The following PDE4D variants were observed in gnomAD, a reference collection of about 807,000 sequenced individuals.
The protein encoded by PDE4D is 3',5'-cyclic-AMP phosphodiesterase 4D.
PDE4D carries 24 observed loss-of-function variants against 87.4 expected under a neutral mutation model. The ratio of observed to expected loss-of-function variants is 0.27; its 90% CI spans 0.20 to 0.39. PDE4D has a LOEUF of 0.39. PDE4D is among the 10% of genes least tolerant of loss of function. The pLI, the probability that PDE4D is intolerant of heterozygous loss-of-function variation, is 1.00. For synonymous variants in PDE4D, 384 were observed against 383.2 expected (o/e 1.00, Z -0.02); for missense variants, 714 against 1,041.0 (o/e 0.69, Z 4.32).
At chr5:59,733,366 C>T (rs1757647519) in intron 1 of PDE4D, among the ~76,000 whole-genome samples, 1 of 152,046 alleles carries the variant, frequency 6.6e-6, no homozygotes, top group Admixed American at 6.6e-5. Context: ...CTTTAAAGGG[C>T]TCACTGAAGA....
intron 5 of PDE4D, among the ~76,000 whole-genome samples, chr5:59,129,716 G>A (rs1396685849): frequency 6.6e-6 from 1 of 152,044 alleles, no homozygotes; most frequent in Non-Finnish European, 1.5e-5. Flanking sequence ...TTTGGTAGAC[G>A]TGCATCACAT....
chr5:60,497,208 G>C (rs1369330018), intron 1 of PDE4D, among the ~76,000 whole-genome samples: 1 of 152,128 alleles, frequency 6.6e-6, no homozygotes, highest in Non-Finnish European at 1.5e-5. Context: ...TCAGGTAGTT[G>C]TATGAGCACA....
chr5:59,460,764 C>A (rs6877740), intron 1 of PDE4D, among the ~76,000 whole-genome samples: 2,480 of 152,272 alleles, frequency 0.016, 74 homozygotes, highest in African/African-American at 0.055. Context: ...CATCTAAACC[C>A]CAACAGTCTG....
chr5:59,955,546 C>T (rs1340050890), intron 3 of PDE4D, among the ~76,000 whole-genome samples: 7 of 152,148 alleles, frequency 4.6e-5, no homozygotes, highest in African/African-American at 1.4e-4. Flanking sequence ...CGGGACACTG[C>T]AGGGATTACT....
intron 1 of PDE4D, among the ~76,000 whole-genome samples, chr5:60,200,168 T>C (rs1320705373): frequency 6.6e-6 from 1 of 151,698 alleles, no homozygotes; most frequent in East Asian, 1.9e-4. Context: ...TTAAAATATA[T>C]TAACTAATTC....
At chr5:59,542,918 G>A (rs1816619031) in intron 1 of PDE4D, among the ~76,000 whole-genome samples, 1 of 152,134 alleles carries the variant, frequency 6.6e-6, no homozygotes, top group Non-Finnish European at 1.5e-5. Context: ...ACTGAAACAA[G>A]CCGCCTCCAA....
upstream of PDE4D, among the ~76,000 whole-genome samples, chr5:59,895,412 A>C (rs1751525829): frequency 6.6e-6 from 1 of 152,200 alleles, no homozygotes; most frequent in Non-Finnish European, 1.5e-5. Flanking sequence ...AATCTGAGAA[A>C]GGTTGTGTCT....
At chr5:59,789,027 C>G (rs1360001243) in intron 1 of PDE4D, among the ~76,000 whole-genome samples, 8 of 152,190 alleles carry the variant, frequency 5.3e-5, no homozygotes, top group African/African-American at 1.9e-4. Context: ...AGCAAACAAT[C>G]ACTTCACTGT....
intron 2 of PDE4D, among the ~76,000 whole-genome samples, chr5:60,134,751 G>GA (rs1435685401): frequency 6.6e-6 from 1 of 152,084 alleles, no homozygotes; most frequent in Non-Finnish European, 1.5e-5. Context: ...TATTGCTTAG[G>GA]AAATAATGAC....
chr5:58,979,928 A>T (rs1744701585), intron 11 of PDE4D, among the ~76,000 whole-genome samples: 1 of 152,210 alleles, frequency 6.6e-6, no homozygotes, highest in Non-Finnish European at 1.5e-5. Context: ...ATGTTTGGTT[A>T]TCTGGCTTCC....
intron 1 of PDE4D, among the ~76,000 whole-genome samples, chr5:59,377,942 G>T (rs1294765934): frequency 6.6e-6 from 1 of 152,052 alleles, no homozygotes; most frequent in African/African-American, 2.4e-5. Flanking sequence ...TATACCCAAA[G>T]GAATAGAAAT....
chr5:59,344,813 T>C (rs536929934), intron 1 of PDE4D, among the ~76,000 whole-genome samples: 2 of 152,336 alleles, frequency 1.3e-5, no homozygotes, highest in African/African-American at 4.8e-5. Context: ...TGTTTACTTA[T>C]GTTCCCTCAT....
intron 1 of PDE4D, among the ~76,000 whole-genome samples, chr5:59,416,003 T>C (rs113595074): frequency 7.2e-5 from 11 of 152,232 alleles, no homozygotes; most frequent in African/African-American, 2.6e-4. Context: ...CTTTCCTAAC[T>C]CTAAATCTCT....
intron 1 of PDE4D, among the ~76,000 whole-genome samples, chr5:59,610,418 A>T (rs1828834726): frequency 6.6e-6 from 1 of 152,200 alleles, no homozygotes; most frequent in South Asian, 2.1e-4. Flanking sequence ...CTGACATCAC[A>T]CTGTATCATG....
chr5:59,586,732 A>C, intron 1 of PDE4D: 1 of 985,478 alleles, frequency 1.0e-6, no homozygotes, highest in Non-Finnish European at 1.2e-6. Flanking sequence ...AAATTAATGC[A>C]TCCTTAAGGA....
intron 1 of PDE4D, among the ~76,000 whole-genome samples, chr5:60,393,269 T>C (rs1423097604): frequency 6.6e-6 from 1 of 152,168 alleles, no homozygotes; most frequent in African/African-American, 2.4e-5. Flanking sequence ...CAGTGAGAAC[T>C]GGGCCCTTAC....
At chr5:60,295,991 T>G (rs942889656) in intron 1 of PDE4D, among the ~76,000 whole-genome samples, 1 of 152,206 alleles carries the variant, frequency 6.6e-6, no homozygotes, top group Non-Finnish European at 1.5e-5. Context: ...AGCTTCATCA[T>G]AGATGGCACC....
In PDE4D at chr5:58,975,047, A is replaced by G; in HGVS notation, c.2047T>C (p.Trp683Arg). ...TGGACGAGGTCTGCCCATGTCTCCCAGAGGGGATGAACAATATAGTCTATG... is the reference window on the plus strand; with the variant it reads ...TGGACGAGGTCTGCCCATGTCTCCCGGAGGGGATGAACAATATAGTCTATG... ...GFIDYIVHPLWETWADLVHPD... is the reference protein window; with the variant it reads ...GFIDYIVHPLRETWADLVHPD... Residue 683 changes from tryptophan (W) to arginine (R), a missense_variant, in exon 15 of 15, where the codon TGG becomes CGG. Transcript: ENST00000340635. This position sits in a 1 kb window ranked among gnomAD's most constrained non-coding sequence, Gnocchi z 4.2. 1 of 1,578,134 alleles carries G rather than the reference A, an allele frequency of 6.3e-7. No homozygotes were observed. Among genetic ancestry groups the G allele is most frequent in the Non-Finnish European group, 8.6e-7 (1 of 1,157,852 alleles).
At chr5:59,565,299 G>A (rs142043143) in intron 1 of PDE4D, among the ~76,000 whole-genome samples, 359 of 152,162 alleles carry the variant, frequency 2.4e-3, no homozygotes, top group African/African-American at 8.3e-3. Flanking sequence ...CAGGAGGATC[G>A]CTTGAGCCCG....
Sources: gnomAD v4.1 joint callset for allele counts (sites outside exome capture counted in the v4.1 genomes callset) on GRCh38, gnomAD v4.1.1 for gene constraint, Gnocchi (gnomAD v3.1) non-coding constraint, MANE v1.5 for transcripts, NCBI Gene and HGNC (gene_info 2026-07-23, HGNC 2026-07-21) for gene names.